NEB: variants seen among roughly 807,000 people sequenced by gnomAD.
The protein encoded by NEB is nemaline myopathy type 2.
Under a neutral mutation model 952.2 loss-of-function variants are expected in NEB, and 512 were observed. That is an observed-to-expected ratio of 0.54 (90% CI 0.50 to 0.58). The LOEUF (loss-of-function observed/expected upper bound fraction) is 0.58, where lower values mean the gene tolerates loss of function less well. Among genes scored for constraint, NEB ranks in the 20% least tolerant of loss-of-function variants. The pLI, the probability that NEB is intolerant of heterozygous loss-of-function variation, is 0.00. For synonymous variants in NEB, 2,900 were observed against 3,149.8 expected, an observed-to-expected ratio of 0.92 and a Z score of 2.66; for missense variants, 8,428 against 9,231.1, an observed-to-expected ratio of 0.91 and a Z score of 3.56.
chr2:151,522,063 C>T (rs984601460), intron 153 of NEB, among the ~76,000 whole-genome samples: 5 of 152,102 alleles, frequency 3.3e-5, no homozygotes, highest in African/African-American at 1.2e-4. Context: ...TGCCATGTCT[C>T]GGCAAGTGGC....
At chr2:151,514,957 T>TA (rs749127170) in intron 157 of NEB, 29 bp from the exon 158 acceptor site, 361 of 1,401,624 alleles carry the variant, frequency 2.6e-4, no homozygotes, top group East Asian at 9.0e-4. Flanking sequence ...AAAGACAAGT[T>TA]AAAAAAAAAT....
chr2:151,643,181 A>G lies in NEB; in HGVS notation c.8129T>C (p.Leu2710Ser), dbSNP rs2098907423. Residue 2710 changes from leucine to serine, a missense_variant, in exon 58 of 182, where the codon TTG (leucine) becomes TCG (serine). Leu to Ser is a moderately radical substitution (Grantham distance 145). This residue lies in a region of NEB where 1,772 missense variants were observed against 1,960.3 expected (regional missense o/e 0.90). Coordinates refer to ENST00000397345, the MANE Select transcript of NEB (RefSeq NM_001164508.2). The part of the protein sequence containing the change: ...SSLMDSIPMV[L>S]AKNNAITMNH... ...CATGGTAATAGCATTGTTTTTTGCC[A>G]AAACCATTGGTATGGAATCCATAAG... 2 of 1,613,632 alleles carry G rather than the reference A, an allele frequency of 1.2e-6. No individual in the cohort carries two copies. The highest frequency in any genetic ancestry group is 2.7e-5 in the African/African-American group (2 of 74,920).
At chr2:151,648,761 C>T (rs1221430786) in intron 54 of NEB, among the ~76,000 whole-genome samples, 2 of 152,206 alleles carry the variant, frequency 1.3e-5, no homozygotes, top group Admixed American at 1.3e-4. Context: ...GACAAAATTG[C>T]TTCTGGTTGA....
In NEB at chr2:151,607,657, T is replaced by C. The variant is rs566235446; in HGVS notation, c.12535-49A>G. 1.8e-4 allele frequency: 66 copies of C among 374,710 alleles called. 12 individuals are homozygous for C. Among genetic ancestry groups the C allele is most frequent in the African/African-American group, 9.3e-4 (36 of 38,860 alleles). The allele number at this position is 374,710 out of a possible 1,614,324, so 23.2% of individuals were successfully genotyped here. A position where few individuals can be genotyped will look rare whatever the true frequency, so the allele number is the denominator to read the frequency against. ...AATCAATATCTGAAACATTAAGCCTTAGCTAATGTTTGGCTAATAGTTAAC... is the reference window on the plus strand; with the variant it reads ...AATCAATATCTGAAACATTAAGCCTCAGCTAATGTTTGGCTAATAGTTAAC... On this transcript the variant is annotated intron_variant, in intron 82 of 181. Transcript: ENST00000397345.
Position 151,671,010 on chromosome 2 carries a change from G to C in NEB, c.4506+13C>G. On this transcript the variant is annotated intron_variant, in intron 38 of 181. Transcript: ENST00000397345. Reference sequence around the variant, plus strand: ...TATTTACGGGCAAATCATTTTGAAAGGAAAGCACTCACATCACTTAGCTGC... The same window carrying C: ...TATTTACGGGCAAATCATTTTGAAACGAAAGCACTCACATCACTTAGCTGC... 6 of 1,609,054 alleles carry C rather than the reference G, an allele frequency of 3.7e-6. No individual in the cohort carries two copies. Among genetic ancestry groups the C allele is most frequent in the Non-Finnish European group, 5.1e-6 (6 of 1,175,310 alleles).
chr2:151,610,153 A>G, intron 80 of NEB, 33 bp from the exon 81 acceptor site: 2 of 1,551,584 alleles, frequency 1.3e-6, no homozygotes, highest in African/African-American at 2.7e-5. Context: ...GGAGACATCC[A>G]GTTTTAAAAC....
intron 72 of NEB, among the ~76,000 whole-genome samples, chr2:151,620,285 C>A (rs1281257775): frequency 7.5e-6 from 1 of 133,948 alleles, no homozygotes; most frequent in East Asian, 2.2e-4. Flanking sequence ...TGAACCCCAC[C>A]AAACAGTATA....
rs185727779 is a variant in NEB at position 151,618,370 on chromosome 2, T to A, written c.10981A>T (p.Ile3661Phe). The stretch of plus-strand genomic sequence containing the variant: ...AGCGTTTCTGGACGCTGACGGTAGA[T>A]AGTATCACTAAGTAATTCTCCAGCT... The part of the protein sequence containing the change: ...KRAGELLSDT[I>F]YRQRPETLKF... The change falls in exon 74 of 182, where the codon ATC becomes TTC. Residue 3661 changes from isoleucine to phenylalanine, a missense_variant. Coordinates refer to ENST00000397345, the MANE Select transcript of NEB (RefSeq NM_001164508.2). The A allele has an allele frequency of 8.7e-6, 14 of 1,613,982 alleles. No homozygotes were observed. The East Asian group carries it at 2.0e-4, about 23-fold the overall frequency.
Position 151,514,928 on chromosome 2 carries a change from T to C in NEB, c.22906A>G (p.Lys7636Glu). 6.5e-7 allele frequency: 1 copy of C among 1,543,194 alleles called. No homozygotes were observed. ...AKESQQMQSG[K>E]EYRKDYEESI... ...TCTTCATAATCTTTCCTATATTCTTTCTAATGTAAGTAGGAAGGAAAGACA... is the reference window on the plus strand; with the variant it reads ...TCTTCATAATCTTTCCTATATTCTTCCTAATGTAAGTAGGAAGGAAAGACA... Residue 7636 changes from lysine (K) to glutamate (E), a missense_variant and splice_region_variant, in exon 158 of 182, where the codon AAA (lysine) becomes GAA (glutamate). Transcript: ENST00000397345.
In NEB at chr2:151,485,931, T is replaced by G. The variant is rs1350605581; in HGVS notation, c.25407A>C (p.Lys8469Asn). 6.2e-7 allele frequency: 1 copy of G among 1,613,676 alleles called. No homozygotes were observed. Among genetic ancestry groups the G allele is most frequent in the South Asian group, 1.1e-5 (1 of 91,070 alleles). ...SIPSHPSTAGKIFRAMYDYMA... is the reference protein window; with the variant it reads ...SIPSHPSTAGNIFRAMYDYMA... ...TATAGTCATACATGGCACGGAAGATTTTCTATTCGTGGGGATGGAAAAGGG... is the reference window on the plus strand; with the variant it reads ...TATAGTCATACATGGCACGGAAGATGTTCTATTCGTGGGGATGGAAAAGGG... Residue 8469 changes from lysine (K) to asparagine (N), a missense_variant and splice_region_variant, in exon 182 of 182, where the codon AAA (lysine) becomes AAC (asparagine). By Grantham distance (94) the Lys-to-Asn change is moderately conservative (BLOSUM62 0). This residue lies in a region of NEB where 3,374 missense variants were observed against 3,651.5 expected (regional missense o/e 0.92). Coordinates refer to ENST00000397345, the MANE Select transcript of NEB (RefSeq NM_001164508.2).
rs201596787 is a variant in NEB, at chr2:151,627,091, G to A, written c.10258C>T (p.Arg3420Cys). 1.1e-4 allele frequency: 170 copies of A among 1,613,706 alleles called. No homozygotes were observed. Among genetic ancestry groups the A allele is most frequent in the Non-Finnish European group, 9.3e-5 (110 of 1,179,880 alleles). The change falls in exon 70 of 182, where the codon CGC becomes TGC. Residue 3420 changes from arginine to cysteine, a missense_variant. Arg to Cys is a radical substitution (Grantham distance 180, BLOSUM62 -3). Around this residue, in one of 11 missense-constraint regions of NEB, gnomAD observed 1,772 missense variants for 1,960.3 expected, o/e 0.90. Transcript: ENST00000397345. ...AAEILSDNIY[R>C]QPPDKLKFTS... ...AATTTCAGCTTGTCCGGAGGCTGGC[G>A]GTAGATGTTATCACTCAGTATTTCA...
At chr2:151,503,945 T>G (rs1265723319) in intron 165 of NEB, among the ~76,000 whole-genome samples, 1 of 152,224 alleles carries the variant, frequency 6.6e-6, no homozygotes, top group Non-Finnish European at 1.5e-5. Context: ...TGAGATGGCT[T>G]AATCAGTTTA....
At chr2:151,677,816 C>G in intron 33 of NEB, 45 bp from the exon 34 acceptor site, 1 of 1,610,702 alleles carries the variant, frequency 6.2e-7, no homozygotes, top group South Asian at 1.1e-5. Context: ...GGACAGGGTT[C>G]TTTTCATGGC....
rs763816213 is a variant in NEB, at chr2:151,527,507, C to A, written c.21814G>T (p.Ala7272Ser). The A allele has an allele frequency of 1.2e-6, 2 of 1,613,138 alleles. No individual in the cohort carries two copies. Among genetic ancestry groups the A allele is most frequent in the South Asian group, 2.2e-5 (2 of 90,858 alleles). The part of the protein sequence containing the change: ...TPDRPDFLQA[A>S]KSSLQQSDFE... ...TCGCTTTGCTGCAGGGATGACTTGG[C>A]AGCCTGGAGGAAGTCCGGTCGGTCA... Residue 7272 changes from alanine to serine, a missense_variant, in exon 147 of 182, where the codon GCC (alanine) becomes TCC (serine). By Grantham distance (99) the Ala-to-Ser change is moderately conservative. Coordinates refer to ENST00000397345, the MANE Select transcript of NEB (RefSeq NM_001164508.2).
intron 13 of NEB, among the ~76,000 whole-genome samples, chr2:151,702,623 G>A (rs898194923): frequency 1.4e-3 from 207 of 151,628 alleles, no homozygotes; most frequent in Non-Finnish European, 2.6e-3. Flanking sequence ...TTATGTAATG[G>A]CCTTCTTTGT....
At chr2:151,655,418 C>T in intron 50 of NEB, 44 bp from the exon 51 acceptor site, 2 of 1,164,256 alleles carry the variant, frequency 1.7e-6, no homozygotes, top group Non-Finnish European at 2.5e-6. Context: ...ATAACTGGGA[C>T]AAGCAGGAAA....
intron 63 of NEB, 31 bp from the exon 64 acceptor site, chr2:151,636,365 G>A: frequency 6.6e-7 from 1 of 1,518,994 alleles, no homozygotes; most frequent in East Asian, 2.3e-5. Flanking sequence ...ATCAGATGCT[G>A]ACATTTATAT....
Position 151,607,504 on chromosome 2 carries a change from A to G in NEB, c.12639T>C (p.Asn4213=). Residue 4213 remains asparagine, a splice_region_variant and synonymous_variant, in exon 83 of 182, where the codon AAT becomes AAC. Coordinates refer to ENST00000397345, the MANE Select transcript of NEB (RefSeq NM_001164508.2). ...TACACTTCATGTTCGTGCCACTTACATTGCTGATTTGCAAGGCATTGATGT... is the reference window on the plus strand; with the variant it reads ...TACACTTCATGTTCGTGCCACTTACGTTGCTGATTTGCAAGGCATTGATGT... The part of the protein sequence containing the change: ...QAHINALQIS[N]KLYQKDWNDA... The G allele has an allele frequency of 9.7e-6, 5 of 514,576 alleles. 2 individuals are homozygous for G. The highest frequency in any genetic ancestry group is 1.7e-5 in the Non-Finnish European group (5 of 286,196). 31.9% of individuals were successfully genotyped at this position (514,576 alleles called of 1,614,324 possible). A position where few individuals can be genotyped will look rare whatever the true frequency, so the allele number is the denominator to read the frequency against.
Position 151,502,756 on chromosome 2 carries a change from T to A in NEB, c.23928+37A>T, listed in dbSNP as rs1319368920. 8 of 1,142,290 alleles carry A rather than the reference T, an allele frequency of 7.0e-6. No homozygotes were observed. In the Admixed American group the frequency reaches 1.2e-4, roughly 18 times the overall value. 70.8% of individuals were successfully genotyped at this position (1,142,290 alleles called of 1,614,324 possible). ...AAGGTGTTATTATTTTAAATAAAAT[T>A]AAGGGATTTTTTTTTTTTTGGCCCC... On this transcript the variant is annotated intron_variant, in intron 167 of 181. Coordinates refer to ENST00000397345, the MANE Select transcript of NEB (RefSeq NM_001164508.2).
Sources: allele counts gnomAD v4.1 joint callset (sites outside exome capture counted in the v4.1 genomes callset), GRCh38; gene constraint gnomAD v4.1.1; regional missense constraint gnomAD v4.1.1; transcripts MANE v1.5; gene names NCBI Gene and HGNC (gene_info 2026-07-23, HGNC 2026-07-21).